The following PEX5L variants were observed in gnomAD, a reference collection of about 807,000 sequenced individuals.
The protein encoded by PEX5L is peroxisomal biogenesis factor 5 like, also known as PEX5-related protein.
Under a neutral mutation model 84.0 loss-of-function variants are expected in PEX5L, and 30 were observed. The ratio of observed to expected loss-of-function variants is 0.36; its 90% confidence interval spans 0.27 to 0.48. The LOEUF (loss-of-function observed/expected upper bound fraction) is 0.48. Ranked by LOEUF, PEX5L falls within the 20% of genes least tolerant of loss-of-function variation. The probability of loss-of-function intolerance (pLI) is 0.99; values close to 1 mark genes in which losing one functional copy is unlikely to be tolerated. For missense variants in PEX5L, 533 were observed against 754.6 expected, an observed-to-expected ratio of 0.71 and a Z score of 3.44; for synonymous variants, 270 against 283.1, an observed-to-expected ratio of 0.95 and a Z score of 0.46.
chr3:179,963,608 C>G lies in PEX5L; in HGVS notation c.93+7986G>C, dbSNP rs571426959. Among the ~76,000 whole-genome samples the G allele has an allele frequency of 7.4e-4, 112 of 152,172 alleles. 2 individuals are homozygous for G. Among genetic ancestry groups the G allele is most frequent in the South Asian group, 6.4e-3 (31 of 4,816 alleles). ...GGACCCCATGGGTTGTATACACAGA[C>G]TATTTTGTCTGATTATATACTGTTT... is the stretch of plus-strand genomic sequence containing the variant. On this transcript the variant is annotated intron_variant, in intron 2 of 14. Transcript: ENST00000467460.
At chr3:179,891,709 G>A (rs1757685758) in intron 3 of PEX5L, among the ~76,000 whole-genome samples, 1 of 152,058 alleles carries the variant, frequency 6.6e-6, no homozygotes, top group Non-Finnish European at 1.5e-5. Flanking sequence ...TCAGTTGCAG[G>A]AATTTAGGAA....
In PEX5L at chr3:179,798,592, G is replaced by GAAGT. The variant is rs1659699361; in HGVS notation, c.*3232_*3235dup. On this transcript the variant is annotated 3_prime_UTR_variant, in exon 15 of 15. Transcript: ENST00000467460. The stretch of plus-strand genomic sequence containing the variant: ...CCCTGGAAGTCACCTGTATGTAACT[G>GAAGT]AAGTCACCCGTATGTAGCCATTCTA... 1.3e-5 allele frequency: 2 copies of GAAGT among 152,132 alleles called. No homozygotes were observed. Among genetic ancestry groups the GAAGT allele is most frequent in the Admixed American group, 1.3e-4 (2 of 15,266 alleles). 9.4% of individuals were successfully genotyped at this position (152,132 alleles called of 1,614,324 possible).
chr3:179,975,092 G>A (rs1450511921), intron 1 of PEX5L, among the ~76,000 whole-genome samples: 1 of 152,118 alleles, frequency 6.6e-6, no homozygotes, highest in African/African-American at 2.4e-5. Flanking sequence ...AGGAGGCTGA[G>A]GTGGGAGGAT....
intron 8 of PEX5L, among the ~76,000 whole-genome samples, chr3:179,855,065 G>A (rs1743377203): frequency 6.6e-6 from 1 of 152,130 alleles, no homozygotes; most frequent in African/African-American, 2.4e-5. Flanking sequence ...AAGAGAAGGT[G>A]GGGACAGTGG....
chr3:179,936,256 A>G (rs974456213), intron 2 of PEX5L, among the ~76,000 whole-genome samples: 15 of 152,152 alleles, frequency 9.9e-5, no homozygotes, highest in Non-Finnish European at 2.1e-4. Flanking sequence ...AGGGTTCTGG[A>G]ATCAGGTTCA....
chr3:179,988,300 C>T (rs1370895195), intron 1 of PEX5L, among the ~76,000 whole-genome samples: 2 of 151,858 alleles, frequency 1.3e-5, no homozygotes, highest in African/African-American at 4.8e-5. Flanking sequence ...ACTCGGGAGG[C>T]TGAGGCAGGA....
At chr3:179,812,586 G>A (rs1433415143) in intron 10 of PEX5L, among the ~76,000 whole-genome samples, 1 of 149,636 alleles carries the variant, frequency 6.7e-6, no homozygotes, top group Non-Finnish European at 1.5e-5. Flanking sequence ...TAAGTTGGTT[G>A]CAATTGTTTG....
chr3:179,897,472 A>C (rs1759754150), intron 3 of PEX5L, among the ~76,000 whole-genome samples: 1 of 152,064 alleles, frequency 6.6e-6, no homozygotes, highest in Non-Finnish European at 1.5e-5. Context: ...ATGTCTTTGC[A>C]TACAAATGAA....
intron 1 of PEX5L, among the ~76,000 whole-genome samples, chr3:180,006,015 C>T (rs904388182): frequency 3.9e-5 from 6 of 152,178 alleles, no homozygotes; most frequent in African/African-American, 1.4e-4. Context: ...TTAGAAGTCT[C>T]CTGCTATTGT....
At chr3:180,035,151 C>T (rs1225154812) in intron 1 of PEX5L, among the ~76,000 whole-genome samples, 1 of 151,928 alleles carries the variant, frequency 6.6e-6, no homozygotes, top group Non-Finnish European at 1.5e-5. Context: ...CCTGTTTTAC[C>T]CTTGTGAAGA....
At chr3:179,871,060 A>C (rs1380485285) in intron 7 of PEX5L, among the ~76,000 whole-genome samples, 1 of 151,884 alleles carries the variant, frequency 6.6e-6, no homozygotes, top group African/African-American at 2.4e-5. Context: ...AGAGAGAAGA[A>C]AACATCTCCT....
chr3:179,822,655 A>G (rs1382282449), intron 8 of PEX5L, among the ~76,000 whole-genome samples: 2 of 152,244 alleles, frequency 1.3e-5, no homozygotes, highest in East Asian at 3.8e-4. Flanking sequence ...CTGAATTTTA[A>G]AGACCTTCGA....
At position 179,859,169 on chromosome 3, in the gene PEX5L, C is replaced by T. The variant is rs1269036981; in HGVS notation, c.727-12G>A. 1.9e-6 allele frequency: 3 copies of T among 1,579,486 alleles called. No individual in the cohort carries two copies. Among genetic ancestry groups the T allele is most frequent in the Non-Finnish European group, 2.6e-6 (3 of 1,148,574 alleles). ...TTGGTCAGTCGAGCCTGAAATCAAT[C>T]ATACACATAGTGTTATAATATTAGA... On this transcript the variant is annotated splice_polypyrimidine_tract_variant and intron_variant, in intron 7 of 14. Transcript: ENST00000467460.
At chr3:179,905,692 A>G (rs1412252602) in intron 2 of PEX5L, among the ~76,000 whole-genome samples, 1 of 152,004 alleles carries the variant, frequency 6.6e-6, no homozygotes, top group Non-Finnish European at 1.5e-5. Flanking sequence ...TCACTTGAGG[A>G]ACAGAACTGT....
chr3:179,953,987 A>T (rs1779800639), intron 2 of PEX5L, among the ~76,000 whole-genome samples: 1 of 152,186 alleles, frequency 6.6e-6, no homozygotes, highest in African/African-American at 2.4e-5. Flanking sequence ...CCTTTTATCT[A>T]CTTGAGTCTT....
At chr3:179,815,747 A>G in intron 10 of PEX5L, 114 bp downstream of exon 10, 2 of 1,144,490 alleles carry the variant, frequency 1.7e-6, no homozygotes, top group South Asian at 2.9e-5. Context: ...AGCTAGGTTA[A>G]CTCCTCTGGG....
At chr3:179,928,559 A>G (rs143801364) in intron 2 of PEX5L, among the ~76,000 whole-genome samples, 8 of 152,292 alleles carry the variant, frequency 5.3e-5, no homozygotes, top group Non-Finnish European at 1.2e-4. Flanking sequence ...GCATTTAAAC[A>G]GTTGTGTATC....
chr3:179,960,162 G>A (rs144411596), intron 2 of PEX5L, among the ~76,000 whole-genome samples: 84 of 152,266 alleles, frequency 5.5e-4, no homozygotes, highest in Non-Finnish European at 8.8e-4. Flanking sequence ...ATTCTCCAAG[G>A]GGCCAGCCTT....
intron 2 of PEX5L, among the ~76,000 whole-genome samples, chr3:179,931,567 A>G (rs745950674): frequency 3.3e-5 from 5 of 152,240 alleles, no homozygotes; most frequent in Non-Finnish European, 5.9e-5. Flanking sequence ...TATCTTAGAA[A>G]AATGACAAGA....
Sources: gnomAD v4.1 joint callset for allele counts (sites outside exome capture counted in the v4.1 genomes callset) on GRCh38, gnomAD v4.1.1 for gene constraint, MANE v1.5 for transcripts, NCBI Gene and HGNC (gene_info 2026-07-23, HGNC 2026-07-21) for gene names.